The following TPD52 variants were observed in gnomAD, a reference collection of about 807,000 sequenced individuals.
The protein encoded by TPD52 is prostate and colon associated protein.
TPD52 carries 17 observed loss-of-function variants against 31.3 expected under a neutral mutation model. The observed-to-expected ratio is 0.54, with a 90% CI of 0.37 to 0.82. TPD52 has a LOEUF of 0.82. TPD52 is among the 40% of genes least tolerant of loss of function. TPD52 has a pLI of 0.00. For synonymous variants in TPD52, 83 were observed against 89.6 expected, an observed-to-expected ratio of 0.93 and a Z score of 0.42; for missense variants, 212 against 240.1, an observed-to-expected ratio of 0.88 and a Z score of 0.77.
At position 80,136,062 on chromosome 8, in the gene TPD52, G is replaced by C. The variant is rs1311822058; in HGVS notation, c.19+35363C>G. Among the ~76,000 whole-genome samples the C allele has an allele frequency of 2.2e-5, 3 of 139,270 alleles. No individual in the cohort carries two copies. The Admixed American group carries it at 2.2e-4, about 10-fold the overall frequency. The allele number at this position is 139,270 out of a possible 152,430, so 91.4% of individuals were successfully genotyped here. Reference sequence around the variant, plus strand: ...ACGAGTTAGTGGGTGCAGCGCACCAGCATGGCACATGTATACATATGTAAC... The same window carrying C: ...ACGAGTTAGTGGGTGCAGCGCACCACCATGGCACATGTATACATATGTAAC... On this transcript the variant is annotated intron_variant, in intron 1 of 7. Transcript: ENST00000518937.
chr8:80,150,253 T>C (rs1163929239), intron 1 of TPD52, among the ~76,000 whole-genome samples: 2 of 152,172 alleles, frequency 1.3e-5, no homozygotes, highest in African/African-American at 2.4e-5. Flanking sequence ...AAGTCAAGAA[T>C]TGTGATTTGG....
At chr8:80,045,196 T>C (rs1017934578) in intron 5 of TPD52, among the ~76,000 whole-genome samples, 9 of 152,200 alleles carry the variant, frequency 5.9e-5, no homozygotes. Flanking sequence ...TAATAATCTA[T>C]TCTGGGAGGA....
intron 2 of TPD52, among the ~76,000 whole-genome samples, chr8:80,059,942 G>A (rs775098468): frequency 7.9e-5 from 12 of 151,872 alleles, no homozygotes; most frequent in Non-Finnish European, 1.2e-4. Flanking sequence ...TTAGTCAGGC[G>A]TGGTGGTGCA....
intron 1 of TPD52, among the ~76,000 whole-genome samples, chr8:80,102,980 C>T (rs765998790): frequency 3.9e-5 from 6 of 152,184 alleles, no homozygotes; most frequent in Non-Finnish European, 8.8e-5. Context: ...TGGAGAACGG[C>T]ATGCTCAAAG....
At chr8:80,075,162 T>A (rs1586236137) in intron 1 of TPD52, among the ~76,000 whole-genome samples, 1 of 151,966 alleles carries the variant, frequency 6.6e-6, no homozygotes, top group East Asian at 1.9e-4. Context: ...CGTATTTTAG[T>A]AGAGACAGGG....
intron 1 of TPD52, among the ~76,000 whole-genome samples, chr8:80,095,383 C>T (rs978659523): frequency 1.3e-5 from 2 of 152,180 alleles, no homozygotes; most frequent in South Asian, 4.1e-4. Context: ...GCAGGAATGA[C>T]TAGGTTGGGG....
intron 1 of TPD52, among the ~76,000 whole-genome samples, chr8:80,122,042 G>T (rs1808298088): frequency 6.7e-6 from 1 of 149,946 alleles, no homozygotes; most frequent in African/African-American, 2.5e-5. Flanking sequence ...AAACTCCTGT[G>T]CAATGATGTT....
rs1815799168 is a variant in TPD52, at chr8:80,086,637, A to G, written c.20-22044T>C. Among the ~76,000 whole-genome samples, 3 of 151,810 alleles carry G rather than the reference A, an allele frequency of 2.0e-5. No homozygotes were observed. In the South Asian group the frequency reaches 6.3e-4, roughly 32 times the overall value. On this transcript the variant is annotated intron_variant, in intron 1 of 7. Coordinates refer to ENST00000518937, the MANE Select transcript of TPD52 (RefSeq NM_001025253.3). ...ACCTGTAATCCTGGCACTTTGGGAG[A>G]CCAAGGCAGGCAGATCACCTGACAT...
rs1472988192 is a variant in TPD52, at chr8:80,035,883, A to G, written c.*2233T>C. 2 of 152,210 alleles carry G rather than the reference A, an allele frequency of 1.3e-5. No individual in the cohort carries two copies. The highest frequency in any genetic ancestry group is 2.9e-5 in the Non-Finnish European group (2 of 68,040). 9.4% of individuals were successfully genotyped at this position (152,210 alleles called of 1,614,324 possible). On this transcript the variant is annotated 3_prime_UTR_variant, in exon 8 of 8. Coordinates refer to ENST00000518937, the MANE Select transcript of TPD52 (RefSeq NM_001025253.3). ...ACTGTTTCTGGCATTTCTACTAATT[A>G]CTATGTTTCTCATTCTTTAAATATC...
intron 1 of TPD52, among the ~76,000 whole-genome samples, chr8:80,113,840 A>G (rs1273015581): frequency 6.6e-6 from 1 of 152,232 alleles, no homozygotes; most frequent in African/African-American, 2.4e-5. Flanking sequence ...GTGGTGAAGA[A>G]TATGCTAATT....
intron 1 of TPD52, among the ~76,000 whole-genome samples, chr8:80,136,198 ACT>A (rs2131112132): frequency 6.7e-6 from 1 of 148,908 alleles, no homozygotes; most frequent in African/African-American, 2.4e-5. Flanking sequence ...AAACAAGCAC[ACT>A]CACACACACA....
intron 1 of TPD52, among the ~76,000 whole-genome samples, chr8:80,142,312 C>G (rs1809888453): frequency 6.6e-6 from 1 of 152,122 alleles, no homozygotes; most frequent in African/African-American, 2.4e-5. Context: ...TACCTGTGTA[C>G]AGGAAAAACT....
At chr8:80,099,845 A>C (rs750885111) in intron 1 of TPD52, among the ~76,000 whole-genome samples, 1 of 152,212 alleles carries the variant, frequency 6.6e-6, no homozygotes, top group Non-Finnish European at 1.5e-5. Flanking sequence ...ACAGAAACAG[A>C]TATCTATTGA....
rs553552503 is a variant in TPD52, at chr8:80,072,264, C to T, written c.20-7671G>A. ...CAGAGGTTGCAGTGAGCTGAGATTG[C>T]GCCACCACACTCCAGCCTGGCGACA... On this transcript the variant is annotated intron_variant, in intron 1 of 7. Coordinates refer to ENST00000518937, the MANE Select transcript of TPD52 (RefSeq NM_001025253.3). Among the ~76,000 whole-genome samples the T allele has an allele frequency of 4.8e-4, 73 of 151,984 alleles. No individual in the cohort carries two copies. In the South Asian group the frequency reaches 8.1e-3, roughly 17 times the overall value.
intron 1 of TPD52, among the ~76,000 whole-genome samples, chr8:80,109,596 A>G (rs4740115): frequency 0.44 from 67,215 of 151,524 alleles, 15,350 homozygotes; most frequent in East Asian, 0.79. Flanking sequence ...TAGTAGAGAC[A>G]GGGTTTCACC....
At chr8:80,062,108 A>T (rs1304279121) in intron 2 of TPD52, among the ~76,000 whole-genome samples, 2 of 152,232 alleles carry the variant, frequency 1.3e-5, no homozygotes, top group Non-Finnish European at 2.9e-5. Context: ...AACCTTGAAT[A>T]ACAATTTTTA....
chr8:80,058,663 T>A (rs1812165524), intron 2 of TPD52, among the ~76,000 whole-genome samples: 1 of 152,124 alleles, frequency 6.6e-6, no homozygotes, highest in African/African-American at 2.4e-5. Flanking sequence ...CTGGGCATGG[T>A]GGCACACGCC....
chr8:80,090,441 G>A lies in TPD52; in HGVS notation c.20-25848C>T, dbSNP rs369916978. The stretch of plus-strand genomic sequence containing the variant: ...AAGACAATGCAGAAGAGGAAGCACA[G>A]TGGGGATGGGGAGGGGCGGGGCAGA... On this transcript the variant is annotated intron_variant, in intron 1 of 7. Coordinates refer to ENST00000518937, the MANE Select transcript of TPD52 (RefSeq NM_001025253.3). Among the ~76,000 whole-genome samples, 466 of 152,232 alleles carry A rather than the reference G, an allele frequency of 3.1e-3. 5 individuals are homozygous for A. The highest frequency in any genetic ancestry group is 0.011 in the African/African-American group (438 of 41,536).
At chr8:80,147,968 C>T (rs1810319088) in intron 1 of TPD52, among the ~76,000 whole-genome samples, 1 of 152,064 alleles carries the variant, frequency 6.6e-6, no homozygotes, top group Non-Finnish European at 1.5e-5. Flanking sequence ...TAGTCAGGAA[C>T]TCACTTTAAA....
Sources: gnomAD v4.1 joint callset for allele counts (sites outside exome capture counted in the v4.1 genomes callset) on GRCh38, gnomAD v4.1.1 for gene constraint, MANE v1.5 for transcripts, NCBI Gene and HGNC (gene_info 2026-07-23, HGNC 2026-07-21) for gene names.